The following SLC26A7 variants were observed in gnomAD, a reference collection of about 807,000 sequenced individuals.
SLC26A7 encodes solute carrier family 26 member 7.
Under a neutral mutation model 82.5 loss-of-function variants are expected in SLC26A7, and 59 were observed. That is an observed-to-expected ratio of 0.72 (90% confidence interval 0.58 to 0.89). The LOEUF is 0.89. Among genes scored for constraint, SLC26A7 ranks in the 40% least tolerant of loss-of-function variants. SLC26A7 has a pLI of 0.00. For missense variants in SLC26A7, 820 were observed against 793.0 expected (o/e 1.03, Z -0.41); for synonymous variants, 271 against 274.3 (o/e 0.99, Z 0.12).
intron 15 of SLC26A7, among the ~76,000 whole-genome samples, chr8:91,384,918 T>C (rs1814759890): frequency 6.6e-6 from 1 of 152,214 alleles, no homozygotes; most frequent in African/African-American, 2.4e-5. Flanking sequence ...TGCTTTTCAA[T>C]AGTTAATTGA....
At chr8:91,359,882 G>GTC (rs1778730787) in intron 11 of SLC26A7, among the ~76,000 whole-genome samples, 1 of 140,480 alleles carries the variant, frequency 7.1e-6, no homozygotes, top group South Asian at 2.2e-4. Context: ...AGATATGTGT[G>GTC]TGTGTGTGTG....
intron 14 of SLC26A7, among the ~76,000 whole-genome samples, chr8:91,369,149 C>T (rs1814282849): frequency 6.6e-6 from 1 of 152,186 alleles, no homozygotes; most frequent in Non-Finnish European, 1.5e-5. Context: ...TAATCTTTGA[C>T]TCTTTCATAT....
At chr8:91,213,219 T>C (rs1809967952) in intron 1 of SLC26A7, among the ~76,000 whole-genome samples, 1 of 152,114 alleles carries the variant, frequency 6.6e-6, no homozygotes, top group South Asian at 2.1e-4. Flanking sequence ...GGCTGGAACA[T>C]GATGGGATTT....
intron 9 of SLC26A7, among the ~76,000 whole-genome samples, chr8:91,349,003 A>G (rs982978347): frequency 1.3e-5 from 2 of 152,202 alleles, no homozygotes; most frequent in Non-Finnish European, 2.9e-5. Context: ...CTTTCACTGC[A>G]TAATCTCAAA....
chr8:91,363,447 T>A, intron 12 of SLC26A7, 25 bp from the exon 13 acceptor site: 1 of 1,402,320 alleles, frequency 7.1e-7, no homozygotes, highest in Middle Eastern at 1.8e-4. Context: ...TGACTTGTTT[T>A]ATTTTCTATC....
At position 91,295,575 on chromosome 8, in the gene SLC26A7, C is replaced by T. The variant is rs1193114782; in HGVS notation, c.349C>T (p.Arg117Trp). The T allele has an allele frequency of 2.9e-5, 47 of 1,613,772 alleles. No homozygotes were observed. The highest frequency in any genetic ancestry group is 4.5e-5 in the East Asian group (2 of 44,886). The change falls in exon 4 of 19, where the codon CGG becomes TGG. Residue 117 changes from arginine to tryptophan, a missense_variant. Coordinates refer to ENST00000276609, the MANE Select transcript of SLC26A7 (RefSeq NM_052832.4). ...TSLISANAVE[R>W]IVPQNMQNLT... ...CTTAATATCAGCCAACGCCGTGGAA[C>T]GGATTGTCCCTCAGAACATGCAGAA...
At chr8:91,365,754 A>G (rs1814174809) in intron 13 of SLC26A7, among the ~76,000 whole-genome samples, 1 of 152,118 alleles carries the variant, frequency 6.6e-6, no homozygotes, top group Non-Finnish European at 1.5e-5. Context: ...TTTCTTTCAT[A>G]CTTCTATCCT....
chr8:91,282,928 T>C (rs1431553173), intron 2 of SLC26A7, among the ~76,000 whole-genome samples: 2 of 152,220 alleles, frequency 1.3e-5, no homozygotes, highest in African/African-American at 2.4e-5. Context: ...TGTTCATCTG[T>C]TACTCCTCAT....
chr8:91,309,286 A>G (rs1812410130), intron 4 of SLC26A7, among the ~76,000 whole-genome samples: 1 of 151,222 alleles, frequency 6.6e-6, no homozygotes, highest in Non-Finnish European at 1.5e-5. Context: ...TATGTATGTA[A>G]TCATATCTAT....
chr8:91,289,912 TG>T (rs1288884603), intron 3 of SLC26A7, among the ~76,000 whole-genome samples: 1 of 152,170 alleles, frequency 6.6e-6, no homozygotes, highest in African/African-American at 2.4e-5. Flanking sequence ...TAGATAAACC[TG>T]GGTGCATATC....
intron 5 of SLC26A7, among the ~76,000 whole-genome samples, chr8:91,323,881 C>A (rs556512178): frequency 6.9e-6 from 1 of 145,794 alleles, no homozygotes; most frequent in African/African-American, 2.6e-5. Flanking sequence ...TGCAGTGGTG[C>A]CATCTCGGCT....
At chr8:91,370,798 G>C (rs1028430557) in intron 15 of SLC26A7, among the ~76,000 whole-genome samples, 16 of 151,958 alleles carry the variant, frequency 1.1e-4, no homozygotes, top group African/African-American at 2.6e-4. Context: ...TAAGATTAAA[G>C]CATCAGTGTA....
chr8:91,249,511 C>T (rs1586319759), intron 1 of SLC26A7, 28 bp from the exon 2 acceptor site: 1 of 526,920 alleles, frequency 1.9e-6, no homozygotes, highest in Non-Finnish European at 3.1e-6. Flanking sequence ...CTCTCTCTCT[C>T]TCTTTTATTT....
At position 91,396,021 on chromosome 8, in the gene SLC26A7, A is replaced by G. The variant is rs1427819700; in HGVS notation, c.*924A>G. The G allele has an allele frequency of 6.6e-6, 1 of 152,066 alleles. No individual in the cohort carries two copies. The highest frequency in any genetic ancestry group is 6.5e-5 in the Admixed American group (1 of 15,272). 9.4% of individuals were successfully genotyped at this position (152,066 alleles called of 1,614,324 possible). On this transcript the variant is annotated 3_prime_UTR_variant, in exon 19 of 19. Transcript: ENST00000276609. ...GATAGTCAATATAATATGTTTATCT[A>G]TATCCATATGGATGGATAGGTAGGT... is the stretch of plus-strand genomic sequence containing the variant.
intron 15 of SLC26A7, among the ~76,000 whole-genome samples, chr8:91,378,501 G>A (rs1349282467): frequency 1.5e-5 from 2 of 130,316 alleles, no homozygotes; most frequent in Non-Finnish European, 3.4e-5. Context: ...TATTTATTAG[G>A]TATATATATG....
At chr8:91,229,974 G>A (rs1315739726) in intron 2 of SLC26A7, among the ~76,000 whole-genome samples, 4 of 151,960 alleles carry the variant, frequency 2.6e-5, no homozygotes, top group South Asian at 4.1e-4. Context: ...CTTCACCCCC[G>A]GCAAACAACC....
chr8:91,350,698 T>C (rs1350237756), intron 9 of SLC26A7, among the ~76,000 whole-genome samples: 7 of 152,164 alleles, frequency 4.6e-5, no homozygotes, highest in Admixed American at 3.9e-4. Context: ...TTTTAATGTA[T>C]GGATGTACCA....
intron 2 of SLC26A7, among the ~76,000 whole-genome samples, chr8:91,226,867 T>A (rs1810246476): frequency 6.6e-6 from 1 of 152,236 alleles, no homozygotes; most frequent in Admixed American, 6.5e-5. Flanking sequence ...ACCAGTTGAA[T>A]ATTTGAAAAG....
intron 18 of SLC26A7, 50 bp downstream of exon 18, chr8:91,394,089 A>G: frequency 6.3e-7 from 1 of 1,593,678 alleles, no homozygotes; most frequent in Non-Finnish European, 8.6e-7. Flanking sequence ...TTCAGAATAT[A>G]GAATCGAAGC....
Sources: allele counts gnomAD v4.1 joint callset (sites outside exome capture counted in the v4.1 genomes callset), GRCh38; gene constraint gnomAD v4.1.1; transcripts MANE v1.5; gene names NCBI Gene and HGNC (gene_info 2026-07-23, HGNC 2026-07-21).